THOC6: variants seen among roughly 807,000 people sequenced by gnomAD.
The protein encoded by THOC6 is THO complex 6.
A neutral mutation model predicts 55.8 loss-of-function variants in THOC6; 39 were observed. The ratio of observed to expected loss-of-function variants is 0.70; its 90% CI spans 0.54 to 0.91. The LOEUF (loss-of-function observed/expected upper bound fraction) is 0.91. THOC6 is among the 40% of genes least tolerant of loss of function. The probability of loss-of-function intolerance (pLI) is 0.00; values close to 1 mark genes in which losing one functional copy is unlikely to be tolerated. For synonymous variants in THOC6, 192 were observed against 175.6 expected (o/e 1.09, Z -0.74); for missense variants, 482 against 442.0 (o/e 1.09, Z -0.81).
chr16:3,024,091 G>C lies in THOC6; in HGVS notation c.-236G>C, dbSNP rs2072710649. On this transcript the variant is annotated 5_prime_UTR_variant, in exon 1 of 13. Transcript: ENST00000326266. ...ACGGGCGGCGCGTGGCGGAAGGCAGGCTTGCTCCTCGGGGTGGGGGAGGGT... is the reference window on the plus strand; with the variant it reads ...ACGGGCGGCGCGTGGCGGAAGGCAGCCTTGCTCCTCGGGGTGGGGGAGGGT... 2 of 749,718 alleles carry C rather than the reference G, an allele frequency of 2.7e-6. No homozygotes were observed. The highest frequency in any genetic ancestry group is 2.7e-5 in the Admixed American group (1 of 36,568). 46.4% of individuals were successfully genotyped at this position (749,718 alleles called of 1,614,324 possible).
Position 3,025,787 on chromosome 16 carries a change from CGGCT to C in THOC6, c.123_126del (p.Gly42ThrfsTer15). ...GTCTCACCATGTGGGAAGTTTCTGGCGGCTGGCAACAATTACGGGCAGATTGCCA... is the reference window on the plus strand; with the variant it reads ...GTCTCACCATGTGGGAAGTTTCTGGCGGCAACAATTACGGGCAGATTGCCA... On this transcript the variant is annotated frameshift_variant, in exon 2 of 13. Transcript: ENST00000326266. LOFTEE classifies it high-confidence loss of function. The C allele has an allele frequency of 6.2e-7, 1 of 1,614,212 alleles. No homozygotes were observed. Among genetic ancestry groups the C allele is most frequent in the African/African-American group, 1.3e-5 (1 of 75,052 alleles).
intron 1 of THOC6, among the ~76,000 whole-genome samples, chr16:3,024,618 T>C (rs1222585433): frequency 2.0e-5 from 3 of 149,378 alleles, no homozygotes; most frequent in Non-Finnish European, 4.4e-5. Flanking sequence ...TTTTTTAATT[T>C]TCTAGTTCTT....
chr16:3,025,241 C>T (rs2072755972), intron 1 of THOC6, among the ~76,000 whole-genome samples: 1 of 152,144 alleles, frequency 6.6e-6, no homozygotes, highest in East Asian at 1.9e-4. Context: ...TGCGCCCGGC[C>T]CCACATTTTT....
chr16:3,026,863 G>A lies in THOC6; in HGVS notation c.587-4G>A, dbSNP rs547634218. 62 of 1,614,164 alleles carry A rather than the reference G, an allele frequency of 3.8e-5. No individual in the cohort carries two copies. Among genetic ancestry groups the A allele is most frequent in the Middle Eastern group, 3.3e-4 (2 of 6,062 alleles). On this transcript the variant is annotated splice_region_variant and splice_polypyrimidine_tract_variant and intron_variant, in intron 8 of 12. Transcript: ENST00000326266. ...GGGCACCACTCACAGTTCTTTCCCCGCAGACCTGCGCACAGCCAAGGAGGT... is the reference window on the plus strand; with the variant it reads ...GGGCACCACTCACAGTTCTTTCCCCACAGACCTGCGCACAGCCAAGGAGGT...
chr16:3,027,607 G>C lies in THOC6; in HGVS notation c.976G>C (p.Val326Leu), dbSNP rs754405872. The change falls in exon 13 of 13, where the codon GTG becomes CTG. Residue 326 changes from valine to leucine, a missense_variant. Val to Leu is a conservative substitution (Grantham distance 32). Coordinates refer to ENST00000326266, the MANE Select transcript of THOC6 (RefSeq NM_024339.5). ...VLTAAGNSCR[V>L]DVFTNLGYRA... ...GACAGCTGCAGGCAACAGCTGCCGGGTGGATGTCTTCACCAACCTGGGTTA... is the reference window on the plus strand; with the variant it reads ...GACAGCTGCAGGCAACAGCTGCCGGCTGGATGTCTTCACCAACCTGGGTTA... 1 of 1,614,168 alleles carries C rather than the reference G, an allele frequency of 6.2e-7. No homozygotes were observed. The highest frequency in any genetic ancestry group is 1.1e-5 in the South Asian group (1 of 91,092).
In THOC6 at chr16:3,027,726, T is replaced by TA; in HGVS notation, c.*70dup. 1 of 1,121,534 alleles carries TA rather than the reference T, an allele frequency of 8.9e-7. No individual in the cohort carries two copies. 69.5% of individuals were successfully genotyped at this position (1,121,534 alleles called of 1,614,324 possible). ...TTCATTTTCTTTTTTTTTTTTTTTT[T>TA]ACAATAAAGTTTCAGGCTTTTTTAC... On this transcript the variant is annotated 3_prime_UTR_variant, in exon 13 of 13. Coordinates refer to ENST00000326266, the MANE Select transcript of THOC6 (RefSeq NM_024339.5).
Position 3,026,268 on chromosome 16 carries a change from GC to G in THOC6, c.343del (p.Arg115ValfsTer156), listed in dbSNP as rs1567415819. On this transcript the variant is annotated frameshift_variant, in exon 5 of 13. Coordinates refer to ENST00000326266, the MANE Select transcript of THOC6 (RefSeq NM_024339.5). LOFTEE classifies it high-confidence loss of function. ...TTTTGAAGGGCTGTAAGGAGCTGTG[GC>G]GTCGTCAGCCTCCATACAGGTGAGC... ...MLKKGCKELW[R>X]RQPPYRTSLE... The G allele has an allele frequency of 2.5e-6, 4 of 1,614,124 alleles. No individual in the cohort carries two copies. The highest frequency in any genetic ancestry group is 3.4e-6 in the Non-Finnish European group (4 of 1,180,024).
chr16:3,026,647 G>A (rs1282168181), intron 7 of THOC6, 32 bp from the exon 8 acceptor site: 2 of 1,611,058 alleles, frequency 1.2e-6, no homozygotes, highest in Non-Finnish European at 1.7e-6. Flanking sequence ...CTCTTCCTAG[G>A]TCTCCTCCTG....
At position 3,024,287 on chromosome 16, in the gene THOC6, G is replaced by C. The variant is rs768980784; in HGVS notation, c.-40G>C. The C allele has an allele frequency of 3.1e-6, 5 of 1,613,902 alleles. No homozygotes were observed. The African/African-American group carries it at 6.7e-5, about 22-fold the overall frequency. On this transcript the variant is annotated 5_prime_UTR_variant, in exon 1 of 13. Coordinates refer to ENST00000326266, the MANE Select transcript of THOC6 (RefSeq NM_024339.5). ...TAGGCACGTAAGGCCTCGTGAGGTT[G>C]CGTCGCGCGCGGAGCACTCTGGGAC... is the stretch of plus-strand genomic sequence containing the variant.
Position 3,026,338 on chromosome 16 carries a change from T to A in THOC6, c.363-27T>A, listed in dbSNP as rs2072792784. The A allele has an allele frequency of 1.9e-6, 3 of 1,614,042 alleles. No individual in the cohort carries two copies. In the East Asian group the frequency reaches 6.7e-5, roughly 36 times the overall value. ...GGTGCATCAGGGTGAAGCCACTTCCTCACTGACCTTGCCTTTCCTTCCCCA... is the reference window on the plus strand; with the variant it reads ...GGTGCATCAGGGTGAAGCCACTTCCACACTGACCTTGCCTTTCCTTCCCCA... On this transcript the variant is annotated intron_variant, in intron 5 of 12. Coordinates refer to ENST00000326266, the MANE Select transcript of THOC6 (RefSeq NM_024339.5).
In THOC6 at chr16:3,026,426, T is replaced by G; in HGVS notation, c.411+13T>G. On this transcript the variant is annotated intron_variant, in intron 6 of 12. Transcript: ENST00000326266. Reference sequence around the variant, plus strand: ...GCTGGTCCCCAAGGTCTGAGCCCCATGTGACTGTTCTTGGTCCAAACTTTG... The same window carrying G: ...GCTGGTCCCCAAGGTCTGAGCCCCAGGTGACTGTTCTTGGTCCAAACTTTG... The G allele has an allele frequency of 6.2e-7, 1 of 1,614,104 alleles. No individual in the cohort carries two copies. Among genetic ancestry groups the G allele is most frequent in the Non-Finnish European group, 8.5e-7 (1 of 1,180,012 alleles).
At position 3,027,635 on chromosome 16, in the gene THOC6, G is replaced by A. The variant is rs772081227; in HGVS notation, c.1004G>A (p.Arg335Gln). 7.4e-6 allele frequency: 12 copies of A among 1,613,996 alleles called. No homozygotes were observed. In the African/African-American group the frequency reaches 8.0e-5, roughly 11 times the overall value. ...GATGTCTTCACCAACCTGGGTTACC[G>A]AGCCTTCTCCCTGTCCTTCTGATCT... The part of the protein sequence containing the change: ...RVDVFTNLGY[R>Q]AFSLSF The change falls in exon 13 of 13, where the codon CGA becomes CAA. Residue 335 changes from arginine to glutamine, a missense_variant. Physicochemically the swap from Arg to Gln is conservative, Grantham distance 43. Coordinates refer to ENST00000326266, the MANE Select transcript of THOC6 (RefSeq NM_024339.5).
rs376877857 is a variant in THOC6 at position 3,024,344 on chromosome 16, G to T, written c.18G>T (p.Pro6=). The T allele has an allele frequency of 6.2e-7, 1 of 1,614,162 alleles. No homozygotes were observed. The highest frequency in any genetic ancestry group is 1.1e-5 in the South Asian group (1 of 91,088). Reference sequence around the variant, plus strand: ...TTCTGGAGATGGAGCGAGCTGTGCCGCTCGCGGTGCCTCTGGGTCAGGTGA... The same window carrying T: ...TTCTGGAGATGGAGCGAGCTGTGCCTCTCGCGGTGCCTCTGGGTCAGGTGA... MERAV[P]LAVPLGQTEV... is the part of the protein sequence containing the mutation. Residue 6 remains proline, a synonymous_variant, in exon 1 of 13, where the codon CCG becomes CCT. Transcript: ENST00000326266.
rs1316528834 is a variant in THOC6 at position 3,025,963 on chromosome 16, TAAG to T, written c.199_201del (p.Lys67del). The T allele has an allele frequency of 6.2e-6, 10 of 1,614,084 alleles. No homozygotes were observed. The highest frequency in any genetic ancestry group is 8.5e-6 in the Non-Finnish European group (10 of 1,180,038). On this transcript the variant is annotated inframe_deletion, in exon 3 of 13. Coordinates refer to ENST00000326266, the MANE Select transcript of THOC6 (RefSeq NM_024339.5). Reference sequence around the variant, plus strand: ...TGAGCTCAGAAGCCAAAGAGGAAAGTAAGAAGCCGGTGGTGACTTTCCAAGGTG... The same window carrying T: ...TGAGCTCAGAAGCCAAAGAGGAAAGTAAGCCGGTGGTGACTTTCCAAGGTG...
Position 3,027,516 on chromosome 16 carries a change from G to C in THOC6, c.945+16G>C, listed in dbSNP as rs1349526149. 5 of 1,611,792 alleles carry C rather than the reference G, an allele frequency of 3.1e-6. No individual in the cohort carries two copies. The African/African-American group carries it at 5.3e-5, about 17-fold the overall frequency. The stretch of plus-strand genomic sequence containing the variant: ...TGAGTGCAAGGTGGGTCCGGCAGGG[G>C]CCGCGGAGCGGCTGGGAGGCAGGGG... On this transcript the variant is annotated intron_variant, in intron 12 of 12. Coordinates refer to ENST00000326266, the MANE Select transcript of THOC6 (RefSeq NM_024339.5).
chr16:3,025,803 C>T lies in THOC6; in HGVS notation c.135C>T (p.Tyr45=), dbSNP rs772533643. The T allele has an allele frequency of 1.7e-5, 28 of 1,614,114 alleles. No individual in the cohort carries two copies. The highest frequency in any genetic ancestry group is 3.3e-5 in the Admixed American group (2 of 60,008). ...AGTTTCTGGCGGCTGGCAACAATTA[C>T]GGGCAGATTGCCATCTTCAGGTACC... ...CGKFLAAGNN[Y]GQIAIFSLSS... Residue 45 remains tyrosine (Y), a synonymous_variant, in exon 2 of 13, where the codon TAC becomes TAT. Transcript: ENST00000326266.
chr16:3,024,274 G>A lies in THOC6; in HGVS notation c.-53G>A, dbSNP rs2072721613. Reference sequence around the variant, plus strand: ...AGAGGAACCGCTCTAGGCACGTAAGGCCTCGTGAGGTTGCGTCGCGCGCGG... The same window carrying A: ...AGAGGAACCGCTCTAGGCACGTAAGACCTCGTGAGGTTGCGTCGCGCGCGG... On this transcript the variant is annotated 5_prime_UTR_variant, in exon 1 of 13. Transcript: ENST00000326266. 2 of 1,612,560 alleles carry A rather than the reference G, an allele frequency of 1.2e-6. No homozygotes were observed. The highest frequency in any genetic ancestry group is 1.7e-6 in the Non-Finnish European group (2 of 1,178,758).
chr16:3,024,510 A>G (rs2072732084), intron 1 of THOC6, 145 bp downstream of exon 1: 2 of 961,426 alleles, frequency 2.1e-6, no homozygotes, highest in Admixed American at 2.0e-5. Context: ...GCGGGATAGT[A>G]ACCCAGAAGT....
chr16:3,025,376 T>C (rs2072759996), intron 1 of THOC6, among the ~76,000 whole-genome samples: 2 of 152,178 alleles, frequency 1.3e-5, no homozygotes. Flanking sequence ...GACAGCCCCA[T>C]GTAAAGCTCT....
Sources: gnomAD v4.1 joint callset for allele counts (sites outside exome capture counted in the v4.1 genomes callset) on GRCh38, gnomAD v4.1.1 for gene constraint, MANE v1.5 for transcripts, NCBI Gene and HGNC (gene_info 2026-07-23, HGNC 2026-07-21) for gene names.